Variants in NPR2 observed in about 807,000 individuals in gnomAD.
NPR2 encodes atrial natriuretic peptide receptor 2.
NPR2 carries 49 observed loss-of-function variants against 120.7 expected under a neutral mutation model. The observed-to-expected ratio is 0.41, with a 90% CI of 0.32 to 0.52. The LOEUF (loss-of-function observed/expected upper bound fraction) is 0.52. NPR2 is among the 20% of genes least tolerant of loss of function. The pLI, the probability that NPR2 is intolerant of heterozygous loss-of-function variation, is 0.36. For missense variants in NPR2, 931 were observed against 1,362.9 expected, an observed-to-expected ratio of 0.68 and a Z score of 4.99; for synonymous variants, 484 against 519.8, an observed-to-expected ratio of 0.93 and a Z score of 0.94.
chr9:35,809,120 C>T lies in NPR2; in HGVS notation c.2987-36C>T, dbSNP rs79885528. On this transcript the variant is annotated intron_variant, in intron 20 of 21. Coordinates refer to ENST00000342694, the MANE Select transcript of NPR2 (RefSeq NM_003995.4). This position sits in a 1 kb window ranked among gnomAD's most constrained non-coding sequence, Gnocchi z 4.1. ...TATTTGATTGCCTTTTCTTTGATTC[C>T]TCATTCCACCATCCTCCCCATTCCA... 1.1e-3 allele frequency: 1,790 copies of T among 1,563,808 alleles called. 11 individuals carry two copies. The African/African-American group carries it at 0.02, about 17-fold the overall frequency.
rs1251294531 is a variant in NPR2 at position 35,807,053 on chromosome 9, G to C, written c.2550G>C (p.Glu850Asp). Residue 850 changes from glutamate to aspartate, a missense_variant, in exon 17 of 22, where the codon GAG becomes GAC. By Grantham distance (45) the Glu-to-Asp change is conservative (BLOSUM62 2). Around this residue, in one of 3 missense-constraint regions of NPR2, gnomAD observed 184 missense variants for 328.3 expected, o/e 0.56. Transcript: ENST00000342694. Reference sequence around the variant, plus strand: ...TGGCAGAGCAGTTAAAACGGGGAGAGACTGTACAGGCTGAGGCCTTTGACA... The same window carrying C: ...TGGCAGAGCAGTTAAAACGGGGAGACACTGTACAGGCTGAGGCCTTTGACA... ...HSVAEQLKRG[E>D]TVQAEAFDSV... The C allele has an allele frequency of 6.8e-6, 11 of 1,614,036 alleles. No homozygotes were observed. Among genetic ancestry groups the C allele is most frequent in the Non-Finnish European group, 9.3e-6 (11 of 1,179,960 alleles).
chr9:35,807,110 C>T lies in NPR2; in HGVS notation c.2607C>T (p.Gly869=). The stretch of plus-strand genomic sequence containing the variant: ...CCATCTACTTCAGTGACATTGTTGG[C>T]TTCACAGCATTGTCAGCAGAGAGCA... The part of the protein sequence containing the change: ...SVTIYFSDIV[G]FTALSAESTP... The change falls in exon 17 of 22, where the codon GGC becomes GGT. Residue 869 remains glycine, a synonymous_variant. Coordinates refer to ENST00000342694, the MANE Select transcript of NPR2 (RefSeq NM_003995.4). 1 of 1,560,130 alleles carries T rather than the reference C, an allele frequency of 6.4e-7. No homozygotes were observed. Among genetic ancestry groups the T allele is most frequent in the Non-Finnish European group, 8.7e-7 (1 of 1,150,300 alleles).
At chr9:35,799,892 G>A in intron 3 of NPR2, 130 bp from the exon 4 acceptor site, 1 of 1,463,824 alleles carries the variant, frequency 6.8e-7, no homozygotes, top group East Asian at 2.3e-5. Context: ...AGTTAGGAAG[G>A]GATGGCACTT....
At position 35,806,452 on chromosome 9, in the gene NPR2, C is replaced by T; in HGVS notation, c.2433C>T (p.Asn811=). The change falls in exon 16 of 22, where the codon AAC becomes AAT. Residue 811 remains asparagine (N), a synonymous_variant. Transcript: ENST00000342694. The surrounding 1 kb of genome is among the most constrained non-coding windows in gnomAD (Gnocchi z 4.6). ...LLLRMEQYAN[N]LEKLVEERTQ... ...TGCGCATGGAACAGTATGCCAATAACTTGGAGAAGCTGGTGGAGGAACGCA... is the reference window on the plus strand; with the variant it reads ...TGCGCATGGAACAGTATGCCAATAATTTGGAGAAGCTGGTGGAGGAACGCA... 1 of 1,614,070 alleles carries T rather than the reference C, an allele frequency of 6.2e-7. No homozygotes were observed. Among genetic ancestry groups the T allele is most frequent in the Non-Finnish European group, 8.5e-7 (1 of 1,179,902 alleles).
intron 2 of NPR2, among the ~76,000 whole-genome samples, 172 bp from the exon 3 acceptor site, chr9:35,799,434 ACACACACACACG>A (rs1436254608): frequency 4.3e-4 from 66 of 151,996 alleles, no homozygotes; most frequent in African/African-American, 1.3e-3. Context: ...ACACACACAC[ACACACACACACG>A]CACACACACA....
At chr9:35,799,576 T>C in intron 2 of NPR2, 42 bp from the exon 3 acceptor site, 3 of 1,385,802 alleles carry the variant, frequency 2.2e-6, no homozygotes, top group Non-Finnish European at 3.1e-6. Context: ...ATAATGCCTA[T>C]CTTGAATCCT....
Position 35,805,527 on chromosome 9 carries a change from A to G in NPR2, c.1904A>G (p.His635Arg). The G allele has an allele frequency of 6.2e-7, 1 of 1,614,174 alleles. No homozygotes were observed. The highest frequency in any genetic ancestry group is 8.5e-7 in the Non-Finnish European group (1 of 1,180,030). The change falls in exon 13 of 22, where the codon CAC (histidine) becomes CGC (arginine). Residue 635 changes from histidine (H) to arginine (R), a missense_variant. Transcript: ENST00000342694. This position sits in a 1 kb window ranked among gnomAD's most constrained non-coding sequence, Gnocchi z 4.9. ...ACCCTGCAGGGCATGGCCTTTCTCC[A>G]CAACAGCATTATTTCATCGCATGGG... Reference protein sequence around the residue: ...NDLVKGMAFLHNSIISSHGSL... With the variant: ...NDLVKGMAFLRNSIISSHGSL...
rs186899779 is a variant in NPR2, at chr9:35,805,238, T to C, written c.1888-273T>C. ...AGAAGATTGACTGCCCTCTCCAGGGTAGTCATTTGTAGCTCCACTTATCCC... is the reference window on the plus strand; with the variant it reads ...AGAAGATTGACTGCCCTCTCCAGGGCAGTCATTTGTAGCTCCACTTATCCC... On this transcript the variant is annotated intron_variant, in intron 12 of 21. Transcript: ENST00000342694. The surrounding 1 kb of genome is among the most constrained non-coding windows in gnomAD (Gnocchi z 4.9). 2.0e-5 allele frequency among the ~76,000 whole-genome samples: 3 copies of C among 152,266 alleles called. No individual in the cohort carries two copies. The South Asian group carries it at 6.2e-4, about 32-fold the overall frequency.
chr9:35,793,525 A>T (rs1827852268), intron 1 of NPR2, among the ~76,000 whole-genome samples: 1 of 152,120 alleles, frequency 6.6e-6, no homozygotes, highest in Non-Finnish European at 1.5e-5. Context: ...GGAAAGACAG[A>T]TAAAGCTCAT....
Position 35,802,619 on chromosome 9 carries a change from G to A in NPR2, c.1815+12G>A, listed in dbSNP as rs774208800. On this transcript the variant is annotated intron_variant, in intron 11 of 21. Transcript: ENST00000342694. The surrounding 1 kb of genome is among the most constrained non-coding windows in gnomAD (Gnocchi z 4.2). ...GTGGGAGTTTACAGGTGAGGGATAG[G>A]TGTAGGAGATTATGGCAGGGGTGGG... 2 of 1,529,498 alleles carry A rather than the reference G, an allele frequency of 1.3e-6. No individual in the cohort carries two copies. The highest frequency in any genetic ancestry group is 2.2e-5 in the East Asian group (1 of 44,470). The allele number at this position is 1,529,498 out of a possible 1,614,324, so 94.7% of individuals were successfully genotyped here. A position where few individuals can be genotyped will look rare whatever the true frequency, so the allele number is the denominator to read the frequency against.
At position 35,791,596 on chromosome 9, in the gene NPR2, T is replaced by A. The variant is rs1382905265; in HGVS notation, c.-813T>A. On this transcript the variant is annotated 5_prime_UTR_variant, in exon 1 of 22. Transcript: ENST00000342694. ...GGGGCGGGCGGCCTGCCCGGGGGAGTCGCACTCGGCCGCCGGCGCAGCGAG... is the reference window on the plus strand; with the variant it reads ...GGGGCGGGCGGCCTGCCCGGGGGAGACGCACTCGGCCGCCGGCGCAGCGAG... Among the ~76,000 whole-genome samples the A allele has an allele frequency of 9.0e-6, 1 of 110,866 alleles. No individual in the cohort carries two copies. The highest frequency in any genetic ancestry group is 9.7e-5 in the Admixed American group (1 of 10,336). 72.7% of individuals were successfully genotyped at this position (110,866 alleles called of 152,430 possible).
chr9:35,793,894 C>A lies in NPR2; in HGVS notation c.668-4C>A, dbSNP rs61758517. ...GTGCTCCTCTGTCATGTACCTGCTC[C>A]CAGTTGTGTATATCTGCGGCCCTCT... On this transcript the variant is annotated splice_region_variant and splice_polypyrimidine_tract_variant and intron_variant, in intron 1 of 21. Transcript: ENST00000342694. The A allele has an allele frequency of 6.8e-4, 1,100 of 1,614,140 alleles. 12 individuals are homozygous for A. In the African/African-American group the frequency reaches 0.013, roughly 19 times the overall value.
rs62637657 is a variant in NPR2, at chr9:35,792,899, C to T, written c.491C>T (p.Ala164Val). 21 of 1,614,144 alleles carry T rather than the reference C, an allele frequency of 1.3e-5. No individual in the cohort carries two copies. The highest frequency in any genetic ancestry group is 1.7e-5 in the Non-Finnish European group (20 of 1,180,034). ...VTLHGHFNWT[A>V]RAALLYLDAR... The stretch of plus-strand genomic sequence containing the variant: ...CTACACGGGCACTTCAATTGGACTG[C>T]CCGTGCTGCCTTGCTGTACCTGGAT... The change falls in exon 1 of 22, where the codon GCC becomes GTC. Residue 164 changes from alanine to valine, a missense_variant. Coordinates refer to ENST00000342694, the MANE Select transcript of NPR2 (RefSeq NM_003995.4).
Position 35,793,072 on chromosome 9 carries a change from C to T in NPR2, c.664C>T (p.Arg222Cys), listed in dbSNP as rs776260822. Residue 222 changes from arginine to cysteine, a missense_variant, in exon 1 of 22, where the codon CGC (arginine) becomes TGC (cysteine). Coordinates refer to ENST00000342694, the MANE Select transcript of NPR2 (RefSeq NM_003995.4). ...CACCCACTTCATCCGGGCCAACGGGCGCAGTGAGTGTGGCCTGGGCTATTT... is the reference window on the plus strand; with the variant it reads ...CACCCACTTCATCCGGGCCAACGGGTGCAGTGAGTGTGGCCTGGGCTATTT... ...QATHFIRANG[R>C]IVYICGPLEM... The T allele has an allele frequency of 5.7e-6, 9 of 1,592,458 alleles. No individual in the cohort carries two copies. The highest frequency in any genetic ancestry group is 2.2e-5 in the East Asian group (1 of 44,696).
intron 7 of NPR2, 54 bp from the exon 8 acceptor site, chr9:35,801,588 CT>C: frequency 6.2e-7 from 1 of 1,611,404 alleles, no homozygotes; most frequent in Non-Finnish European, 8.5e-7. Context: ...CTGCTGTTGG[CT>C]TGGGGGTGGC....
intron 18 of NPR2, chr9:35,807,899 C>T (rs1340073696): frequency 4.3e-6 from 2 of 465,636 alleles, no homozygotes; most frequent in African/African-American, 3.9e-5. Flanking sequence ...CCCTGAGCCT[C>T]AGTTGTTTTA....
rs1277084795 is a variant in NPR2, at chr9:35,792,896, C to T, written c.488C>T (p.Thr163Ile). The change falls in exon 1 of 22, where the codon ACT becomes ATT. Residue 163 changes from threonine (T) to isoleucine (I), a missense_variant. By Grantham distance (89) the Thr-to-Ile change is moderately conservative (BLOSUM62 -1). This residue lies in a region of NPR2 where 681 missense variants were observed against 974.3 expected (regional missense o/e 0.70). Transcript: ENST00000342694. Reference protein sequence around the residue: ...VVTLHGHFNWTARAALLYLDA... With the variant: ...VVTLHGHFNWIARAALLYLDA... ...ACACTACACGGGCACTTCAATTGGA[C>T]TGCCCGTGCTGCCTTGCTGTACCTG... The T allele has an allele frequency of 6.2e-7, 1 of 1,614,024 alleles. No homozygotes were observed. The highest frequency in any genetic ancestry group is 1.7e-5 in the Admixed American group (1 of 60,008).
rs768756676 is a variant in NPR2, at chr9:35,809,467, G to C, written c.*22G>C. ...GTAAACCCCCATTCTTTCCAAGTCA[G>C]ATAGTCTTCTGCTGCTGGTACCTGG... On this transcript the variant is annotated 3_prime_UTR_variant, in exon 22 of 22. Transcript: ENST00000342694. The surrounding 1 kb of genome is among the most constrained non-coding windows in gnomAD (Gnocchi z 4.1). 1 of 1,614,170 alleles carries C rather than the reference G, an allele frequency of 6.2e-7. No homozygotes were observed. Among genetic ancestry groups the C allele is most frequent in the South Asian group, 1.1e-5 (1 of 91,078 alleles).
In NPR2 at chr9:35,792,998, G is replaced by C. The variant is rs959636453; in HGVS notation, c.590G>C (p.Ser197Thr). The change falls in exon 1 of 22, where the codon AGT (serine) becomes ACT (threonine). Residue 197 changes from serine to threonine, a missense_variant. Transcript: ENST00000342694. Reference protein sequence around the residue: ...VFEALQGSNLSVQHQVYAREP... With the variant: ...VFEALQGSNLTVQHQVYAREP... ...GAGGCCCTGCAGGGCAGCAACCTCA[G>C]TGTGCAGCACCAGGTGTATGCCCGA... is the stretch of plus-strand genomic sequence containing the variant. 5 of 1,613,316 alleles carry C rather than the reference G, an allele frequency of 3.1e-6. No homozygotes were observed. The highest frequency in any genetic ancestry group is 1.3e-5 in the African/African-American group (1 of 74,944).
Sources: allele counts gnomAD v4.1 joint callset (sites outside exome capture counted in the v4.1 genomes callset), GRCh38; gene constraint gnomAD v4.1.1; regional missense constraint gnomAD v4.1.1; non-coding constraint Gnocchi (gnomAD v3.1); transcripts MANE v1.5; gene names NCBI Gene and HGNC (gene_info 2026-07-23, HGNC 2026-07-21).